THADA: variants seen among roughly 807,000 people sequenced by gnomAD.
THADA encodes the protein THADA armadillo repeat containing, also known as tRNA (32-2'-O)-methyltransferase regulator THADA.
Under a neutral mutation model 219.8 loss-of-function variants are expected in THADA, and 213 were observed. The ratio of observed to expected loss-of-function variants is 0.97; its 90% confidence interval spans 0.87 to 1.09. THADA has a LOEUF of 1.09. Ranked by LOEUF, THADA falls within the 50% of genes least tolerant of loss-of-function variation. THADA has a pLI of 0.00. For synonymous variants in THADA, 1,018 were observed against 828.9 expected, an observed-to-expected ratio of 1.23 and a Z score of -3.92; for missense variants, 2,956 against 2,311.3, an observed-to-expected ratio of 1.28 and a Z score of -5.72.
chr2:43,430,195 A>G lies in THADA; in HGVS notation c.3926+18T>C. On this transcript the variant is annotated intron_variant, in intron 27 of 37. Transcript: ENST00000405975. The stretch of plus-strand genomic sequence containing the variant: ...CACATCCTTGAGGTCATTTTGCCCC[A>G]CCCAATTCTCTTCTTACCTGTCTAC... 7.2e-7 allele frequency: 1 copy of G among 1,381,030 alleles called. No individual in the cohort carries two copies. Among genetic ancestry groups the G allele is most frequent in the Admixed American group, 2.6e-5 (1 of 38,194 alleles). 85.5% of individuals were successfully genotyped at this position (1,381,030 alleles called of 1,614,324 possible).
Position 43,431,000 on chromosome 2 carries a change from C to CTTT in THADA, c.3837-701_3837-699dup, listed in dbSNP as rs1446217765. Among the ~76,000 whole-genome samples, 4 of 152,168 alleles carry CTTT rather than the reference C, an allele frequency of 2.6e-5. No homozygotes were observed. In the East Asian group the frequency reaches 7.7e-4, roughly 29 times the overall value. On this transcript the variant is annotated intron_variant, in intron 26 of 37. Coordinates refer to ENST00000405975, the MANE Select transcript of THADA (RefSeq NM_022065.5). ...AACTTGTAAGAATTATCTTTTTCAA[C>CTTT]TTTATAAAAACTTCTCTTGAACTAC...
At chr2:43,587,085 G>A (rs1701106750) in intron 4 of THADA, 83 bp from the exon 5 acceptor site, 1 of 1,372,578 alleles carries the variant, frequency 7.3e-7, no homozygotes, top group African/African-American at 1.5e-5. Flanking sequence ...ATACAAATGT[G>A]GGAATACTGA....
In THADA at chr2:43,438,081, C is replaced by T. The variant is rs1046259342; in HGVS notation, c.3837-7779G>A. On this transcript the variant is annotated intron_variant, in intron 26 of 37. Coordinates refer to ENST00000405975, the MANE Select transcript of THADA (RefSeq NM_022065.5). ...CTTTGGGAGGCAGAGATGGGCAGATCACGAGGTCAGGAGATCGAGACCATG... is the reference window on the plus strand; with the variant it reads ...CTTTGGGAGGCAGAGATGGGCAGATTACGAGGTCAGGAGATCGAGACCATG... 5.3e-5 allele frequency among the ~76,000 whole-genome samples: 8 copies of T among 152,016 alleles called. 1 individual carries two copies. Among genetic ancestry groups the T allele is most frequent in the Non-Finnish European group, 8.8e-5 (6 of 68,008 alleles).
intron 21 of THADA, 110 bp from the exon 22 acceptor site, chr2:43,528,098 C>T (rs958597613): frequency 1.6e-5 from 10 of 607,920 alleles, no homozygotes; most frequent in South Asian, 4.1e-5. Flanking sequence ...TCATTTAGCG[C>T]TTACCATATG....
rs539798216 is a variant in THADA at position 43,400,457 on chromosome 2, T to TTATATATATATA, written c.4059-2330_4059-2319dup. Among the ~76,000 whole-genome samples the TTATATATATATA allele has an allele frequency of 6.5e-3, 586 of 89,894 alleles. 16 individuals carry two copies. The highest frequency in any genetic ancestry group is 0.017 in the African/African-American group (436 of 25,686). 59.0% of individuals were successfully genotyped at this position (89,894 alleles called of 152,430 possible). On this transcript the variant is annotated intron_variant, in intron 28 of 37. Transcript: ENST00000405975. ...TGGAAAGATTAGATCATAGACAAAT[T>TTATATATATATA]TATATATATATATATATATAAATAT...
chr2:43,493,457 T>C (rs1687902267), intron 25 of THADA, among the ~76,000 whole-genome samples: 1 of 152,142 alleles, frequency 6.6e-6, no homozygotes, highest in Admixed American at 6.5e-5. Context: ...ATTATGCCAC[T>C]GCACTCCAGC....
At chr2:43,465,226 T>C (rs143997135) in intron 26 of THADA, among the ~76,000 whole-genome samples, 29 of 152,296 alleles carry the variant, frequency 1.9e-4, no homozygotes, top group African/African-American at 7.0e-4. Flanking sequence ...AGAGTAAATC[T>C]CCAAAACAAT....
chr2:43,287,292 T>C (rs1674146560), intron 34 of THADA, among the ~76,000 whole-genome samples: 1 of 152,146 alleles, frequency 6.6e-6, no homozygotes, highest in East Asian at 1.9e-4. Context: ...AACAAGTTCC[T>C]TTAGTCTTTT....
intron 23 of THADA, among the ~76,000 whole-genome samples, chr2:43,506,184 A>C (rs927572095): frequency 6.6e-6 from 1 of 152,236 alleles, no homozygotes; most frequent in African/African-American, 2.4e-5. Flanking sequence ...CTGGAGATGA[A>C]GCAGTTAGTT....
At chr2:43,332,827 G>C (rs1665944118) in intron 30 of THADA, among the ~76,000 whole-genome samples, 1 of 152,170 alleles carries the variant, frequency 6.6e-6, no homozygotes, top group African/African-American at 2.4e-5. Context: ...CTCCAGGTTA[G>C]GTTTGCAGAT....
At position 43,421,734 on chromosome 2, in the gene THADA, T is replaced by C. The variant is rs564651750; in HGVS notation, c.4058+6366A>G. Among the ~76,000 whole-genome samples, 8 of 152,318 alleles carry C rather than the reference T, an allele frequency of 5.3e-5. No individual in the cohort carries two copies. In the South Asian group the frequency reaches 1.7e-3, roughly 32 times the overall value. ...ATTAATAAAGAATGCTTTTCAGACA[T>C]AACATCTCATAGGCCAAAAATATGT... On this transcript the variant is annotated intron_variant, in intron 28 of 37. Coordinates refer to ENST00000405975, the MANE Select transcript of THADA (RefSeq NM_022065.5).
chr2:43,369,440 CAT>C (rs1327968944), intron 29 of THADA, among the ~76,000 whole-genome samples: 2 of 152,332 alleles, frequency 1.3e-5, no homozygotes, highest in African/African-American at 4.8e-5. Flanking sequence ...TACTTTGTGA[CAT>C]ATAATATCTA....
chr2:43,567,884 A>G (rs1342987341), intron 14 of THADA, among the ~76,000 whole-genome samples: 1 of 152,210 alleles, frequency 6.6e-6, no homozygotes, highest in African/African-American at 2.4e-5. Context: ...ATCCATTTTC[A>G]ACTTGATTCT....
chr2:43,565,519 T>C (rs1698563662), intron 15 of THADA: 1 of 152,174 alleles, frequency 6.6e-6, no homozygotes, highest in Non-Finnish European at 1.5e-5. Flanking sequence ...TGATTTAAAT[T>C]TTTTCAGAAT....
chr2:43,472,396 G>C (rs1365586559), intron 26 of THADA, among the ~76,000 whole-genome samples: 5 of 152,280 alleles, frequency 3.3e-5, no homozygotes, highest in Non-Finnish European at 7.4e-5. Flanking sequence ...CTACACTTTT[G>C]CAACAATTAA....
intron 28 of THADA, among the ~76,000 whole-genome samples, chr2:43,404,013 C>A (rs532135743): frequency 6.6e-6 from 1 of 152,298 alleles, no homozygotes; most frequent in African/African-American, 2.4e-5. Flanking sequence ...CAGGCTGAAG[C>A]TCTGGATTAT....
intron 29 of THADA, among the ~76,000 whole-genome samples, chr2:43,352,345 G>A (rs1668369067): frequency 6.6e-6 from 1 of 152,108 alleles, no homozygotes; most frequent in African/African-American, 2.4e-5. Flanking sequence ...ATCACCTGAT[G>A]TCAGGAGTTC....
At chr2:43,532,063 G>C (rs545571729) in intron 21 of THADA, among the ~76,000 whole-genome samples, 39 of 151,100 alleles carry the variant, frequency 2.6e-4, no homozygotes, top group South Asian at 8.3e-4. Context: ...ACTGAATTCT[G>C]TTCTGGAGCC....
At chr2:43,390,007 T>A (rs1413998742) in intron 29 of THADA, among the ~76,000 whole-genome samples, 1 of 152,226 alleles carries the variant, frequency 6.6e-6, no homozygotes, top group Non-Finnish European at 1.5e-5. Context: ...TGACATAGTA[T>A]GTACTTAACT....
Sources: allele counts gnomAD v4.1 joint callset (sites outside exome capture counted in the v4.1 genomes callset), GRCh38; gene constraint gnomAD v4.1.1; transcripts MANE v1.5; gene names NCBI Gene and HGNC (gene_info 2026-07-23, HGNC 2026-07-21).